BABAM2: variants seen among roughly 807,000 people sequenced by gnomAD.
The protein encoded by BABAM2 is BRISC and BRCA1 A complex member 2, also known as BRISC and BRCA1-A complex member 2.
BABAM2 carries 31 observed loss-of-function variants against 54.7 expected under a neutral mutation model. The ratio of observed to expected loss-of-function variants is 0.57; its 90% confidence interval spans 0.43 to 0.77. The LOEUF (loss-of-function observed/expected upper bound fraction) is 0.77, where lower values mean the gene tolerates loss of function less well. BABAM2 is among the 30% of genes least tolerant of loss of function. The probability of loss-of-function intolerance (pLI) is 0.00; values close to 1 mark genes in which losing one functional copy is unlikely to be tolerated. For synonymous variants in BABAM2, 167 were observed against 162.9 expected, an observed-to-expected ratio of 1.03 and a Z score of -0.19; for missense variants, 364 against 455.8, an observed-to-expected ratio of 0.80 and a Z score of 1.83.
chr2:27,978,291 A>C (rs1167815071), intron 3 of BABAM2, among the ~76,000 whole-genome samples: 1 of 151,882 alleles, frequency 6.6e-6, no homozygotes, highest in East Asian at 1.9e-4. Flanking sequence ...CTCTCCCTTC[A>C]CCTCCTGCCA....
At chr2:28,020,034 A>G (rs1478458956) in intron 4 of BABAM2, among the ~76,000 whole-genome samples, 2 of 152,212 alleles carry the variant, frequency 1.3e-5, no homozygotes, top group African/African-American at 4.8e-5. Flanking sequence ...TTCAACTGTG[A>G]CCACTACACT....
chr2:28,024,311 C>G (rs572993761), intron 4 of BABAM2, among the ~76,000 whole-genome samples: 8 of 151,504 alleles, frequency 5.3e-5, no homozygotes, highest in Non-Finnish European at 1.2e-4. Flanking sequence ...GAGACTGAGG[C>G]AAGAGAATGG....
At chr2:28,046,431 G>T (rs1203984828) in intron 6 of BABAM2, among the ~76,000 whole-genome samples, 1 of 152,168 alleles carries the variant, frequency 6.6e-6, no homozygotes, top group African/African-American at 2.4e-5. Flanking sequence ...CTGCACTCCA[G>T]CCTGGGTGAT....
chr2:27,955,758 A>G (rs1195569411), intron 3 of BABAM2, among the ~76,000 whole-genome samples: 1 of 152,218 alleles, frequency 6.6e-6, no homozygotes, highest in Non-Finnish European at 1.5e-5. Flanking sequence ...ATTGGGTAAG[A>G]CTATTTACCT....
intron 7 of BABAM2, among the ~76,000 whole-genome samples, chr2:28,203,815 A>G (rs1174952013): frequency 6.6e-6 from 1 of 152,124 alleles, no homozygotes; most frequent in Non-Finnish European, 1.5e-5. Context: ...TTCCATTCCC[A>G]TGGTAATAAG....
chr2:27,988,136 A>G lies in BABAM2; in HGVS notation c.300+49A>G, dbSNP rs750414615. On this transcript the variant is annotated intron_variant, in intron 4 of 11. Transcript: ENST00000379624. The stretch of plus-strand genomic sequence containing the variant: ...ATGATCTTTCTTTGGTGAAAGGAAA[A>G]CAAAATTGGCTTTCAGCAGTTGCTT... The G allele has an allele frequency of 7.7e-6, 12 of 1,565,798 alleles. No individual in the cohort carries two copies. In the South Asian group the frequency reaches 1.2e-4, roughly 16 times the overall value.
At chr2:28,099,646 T>A (rs1666910010) in intron 6 of BABAM2, among the ~76,000 whole-genome samples, 1 of 152,234 alleles carries the variant, frequency 6.6e-6, no homozygotes, top group Admixed American at 6.5e-5. Context: ...GTGCATATCT[T>A]GTCTGTTTTT....
intron 11 of BABAM2, among the ~76,000 whole-genome samples, chr2:28,321,508 A>T (rs575192311): frequency 8.8e-4 from 134 of 152,262 alleles, no homozygotes; most frequent in African/African-American, 3.1e-3. Flanking sequence ...AGAAAATAGG[A>T]ATCGTGTGAA....
chr2:28,047,253 ATAAT>A (rs1468285103), intron 6 of BABAM2, among the ~76,000 whole-genome samples: 1 of 152,226 alleles, frequency 6.6e-6, no homozygotes, highest in Non-Finnish European at 1.5e-5. Flanking sequence ...ATAACCAAGC[ATAAT>A]TAATTTGATT....
At chr2:28,086,284 A>C (rs1433382614) in intron 6 of BABAM2, among the ~76,000 whole-genome samples, 1 of 152,216 alleles carries the variant, frequency 6.6e-6, no homozygotes, top group Non-Finnish European at 1.5e-5. Context: ...GTACAGAGAA[A>C]ATTTACCTTG....
chr2:28,178,746 A>T, intron 7 of BABAM2, among the ~76,000 whole-genome samples: 1 of 151,850 alleles, frequency 6.6e-6, no homozygotes, highest in East Asian at 1.9e-4. Flanking sequence ...TCCTAGCTAG[A>T]CTATACAAGA....
chr2:28,089,530 G>A (rs1448969565), intron 6 of BABAM2, among the ~76,000 whole-genome samples: 1 of 152,108 alleles, frequency 6.6e-6, no homozygotes, highest in African/African-American at 2.4e-5. Flanking sequence ...CATTGTAATA[G>A]ATAATGAAAT....
chr2:28,171,565 A>AT (rs1011399291), intron 7 of BABAM2, among the ~76,000 whole-genome samples: 4 of 152,136 alleles, frequency 2.6e-5, no homozygotes, highest in Admixed American at 2.0e-4. Flanking sequence ...TAATAAAGGC[A>AT]TTTTTTAAGC....
At chr2:28,025,201 C>T (rs1160550114) in intron 4 of BABAM2, 25 bp from the exon 5 acceptor site, 2 of 1,553,622 alleles carry the variant, frequency 1.3e-6, no homozygotes, top group Non-Finnish European at 1.7e-6. Context: ...TTTAACTGGT[C>T]TTTTATTTGT....
chr2:27,947,359 A>T (rs189672162), intron 3 of BABAM2, among the ~76,000 whole-genome samples: 1 of 152,046 alleles, frequency 6.6e-6, no homozygotes, highest in Non-Finnish European at 1.5e-5. Context: ...ACATATCTTT[A>T]ACTTTTCACA....
chr2:28,113,257 T>C (rs989296998), intron 6 of BABAM2, among the ~76,000 whole-genome samples: 2 of 152,216 alleles, frequency 1.3e-5, no homozygotes, highest in Non-Finnish European at 2.9e-5. Flanking sequence ...TTTTGGCGTT[T>C]TAGTCATGAA....
chr2:28,046,291 C>G (rs1677563006), intron 6 of BABAM2, among the ~76,000 whole-genome samples: 1 of 151,922 alleles, frequency 6.6e-6, no homozygotes, highest in Admixed American at 6.6e-5. Context: ...CCTGTCTCTA[C>G]TAAAAAAAAT....
intron 6 of BABAM2, among the ~76,000 whole-genome samples, chr2:28,072,873 C>G (rs935930843): frequency 6.6e-6 from 1 of 152,218 alleles, no homozygotes; most frequent in African/African-American, 2.4e-5. Flanking sequence ...TCCTGTAACC[C>G]ATTACCTAGT....
intron 3 of BABAM2, among the ~76,000 whole-genome samples, chr2:27,983,755 G>A (rs747876350): frequency 2.4e-4 from 36 of 151,854 alleles, no homozygotes; most frequent in Non-Finnish European, 4.4e-4. Context: ...TTTTTGGATC[G>A]TTAATTACTG....
Sources: gnomAD v4.1 joint callset for allele counts (sites outside exome capture counted in the v4.1 genomes callset) on GRCh38, gnomAD v4.1.1 for gene constraint, MANE v1.5 for transcripts, NCBI Gene and HGNC (gene_info 2026-07-23, HGNC 2026-07-21) for gene names.